Variants in COL5A3 observed in about 807,000 individuals in gnomAD.
COL5A3 encodes collagen alpha-3(V) chain.
COL5A3 carries 172 observed loss-of-function variants against 250.0 expected under a neutral mutation model. The ratio of observed to expected loss-of-function variants is 0.69; its 90% CI spans 0.61 to 0.78. COL5A3 has a LOEUF of 0.78. COL5A3 is among the 30% of genes least tolerant of loss of function. The pLI is 0.00. For synonymous variants in COL5A3, 937 were observed against 900.4 expected, an observed-to-expected ratio of 1.04 and a Z score of -0.73; for missense variants, 2,340 against 2,334.4, an observed-to-expected ratio of 1.00 and a Z score of -0.05.
At chr19:9,964,179 A>G (rs1186667592) in intron 64 of COL5A3, among the ~76,000 whole-genome samples, 1 of 151,356 alleles carries the variant, frequency 6.6e-6, no homozygotes, top group East Asian at 1.9e-4. Context: ...TCTCAAAAGA[A>G]CAAAACAATA....
intron 64 of COL5A3, 34 bp from the exon 65 acceptor site, chr19:9,962,921 C>T (rs371142637): frequency 4.6e-5 from 71 of 1,530,634 alleles, no homozygotes; most frequent in African/African-American, 8.2e-5. Context: ...CTGTAGCTGA[C>T]GCCCTTGGTG....
Position 10,005,594 on chromosome 19 carries a change from C to T in COL5A3, c.558G>A (p.Val186=). The change falls in exon 4 of 67, where the codon GTG becomes GTA. Residue 186 remains valine, a synonymous_variant. Transcript: ENST00000264828. ...TTTCCCCAAGGTCCTGGGTCCCCAG[C>T]ACAGTGAGTCCAGCTATGCTGATGA... ...PRFISIAGLT[V]LGTQDLGEKT... The T allele has an allele frequency of 6.2e-7, 1 of 1,614,212 alleles. No homozygotes were observed. The highest frequency in any genetic ancestry group is 8.5e-7 in the Non-Finnish European group (1 of 1,180,032).
rs779807627 is a variant in COL5A3, at chr19:9,982,065, C to T, written c.2460G>A (p.Ser820=). The part of the protein sequence containing the change: ...PLGPIGEKGK[S]GKTGQPGLEG... ...TCCCTTACCCCCGGTCATGACTCAC[C>T]GACTTCCCTTTCTCTCCTATGGGTC... Residue 820 remains serine, a splice_region_variant and synonymous_variant, in exon 32 of 67, where the codon TCG becomes TCA. Coordinates refer to ENST00000264828, the MANE Select transcript of COL5A3 (RefSeq NM_015719.4). 1.4e-5 allele frequency: 22 copies of T among 1,610,098 alleles called. No homozygotes were observed. Among genetic ancestry groups the T allele is most frequent in the Non-Finnish European group, 1.9e-5 (22 of 1,177,440 alleles).
At position 9,971,011 on chromosome 19, in the gene COL5A3, T is replaced by TG. The variant is rs1486499390; in HGVS notation, c.3845dup (p.Gly1283ArgfsTer8). 1 of 1,551,802 alleles carries TG rather than the reference T, an allele frequency of 6.4e-7. No individual in the cohort carries two copies. The stretch of plus-strand genomic sequence containing the variant: ...CATCACCAGGGTCTCCCTTCTCCCC[T>TG]GGGGAACCATCTATGCCCTGCATGG... On this transcript the variant is annotated frameshift_variant, in exon 53 of 67. Transcript: ENST00000264828. LOFTEE classifies it high-confidence loss of function.
intron 8 of COL5A3, among the ~76,000 whole-genome samples, chr19:10,001,301 G>A (rs943397064): frequency 6.6e-6 from 1 of 151,586 alleles, no homozygotes. Flanking sequence ...GCGCGCCACC[G>A]CTCCCAGCTA....
chr19:9,972,889 T>A (rs1406085106), intron 51 of COL5A3, 30 bp downstream of exon 51: 1 of 1,413,690 alleles, frequency 7.1e-7, no homozygotes, highest in African/African-American at 1.5e-5. Context: ...CCCCCTCCCA[T>A]GTCTGCCCCC....
intron 8 of COL5A3, among the ~76,000 whole-genome samples, chr19:9,998,787 C>T (rs559710622): frequency 9.2e-5 from 14 of 151,784 alleles, no homozygotes; most frequent in African/African-American, 2.9e-4. Flanking sequence ...TGGGTTCTAG[C>T]GATTCTCCTG....
chr19:9,972,878 G>A (rs903149481), intron 51 of COL5A3, 41 bp downstream of exon 51: 9 of 1,417,420 alleles, frequency 6.3e-6, no homozygotes, highest in African/African-American at 2.9e-5. Flanking sequence ...ACATTCAAGT[G>A]CCCCCTCCCA....
intron 65 of COL5A3, 44 bp from the exon 66 acceptor site, chr19:9,960,934 C>G (rs1171820191): frequency 6.3e-7 from 1 of 1,591,796 alleles, no homozygotes; most frequent in Non-Finnish European, 8.5e-7. Flanking sequence ...GCTCCATGAG[C>G]CTCTTTCTGC....
intron 1 of COL5A3, among the ~76,000 whole-genome samples, chr19:10,008,638 G>A (rs1053823692): frequency 3.3e-5 from 5 of 152,186 alleles, no homozygotes; most frequent in Non-Finnish European, 7.3e-5. Flanking sequence ...TTGTACAAGC[G>A]TGGGTGAGTC....
chr19:10,005,586 G>C lies in COL5A3; in HGVS notation c.566C>G (p.Thr189Ser). 1.2e-6 allele frequency: 2 copies of C among 1,614,142 alleles called. No homozygotes were observed. The highest frequency in any genetic ancestry group is 1.7e-6 in the Non-Finnish European group (2 of 1,180,030). The change falls in exon 4 of 67, where the codon ACC (threonine) becomes AGC (serine). Residue 189 changes from threonine (T) to serine (S), a missense_variant. By Grantham distance (58) the Thr-to-Ser change is moderately conservative. Coordinates refer to ENST00000264828, the MANE Select transcript of COL5A3 (RefSeq NM_015719.4). ...GAAAGTCTTTTCCCCAAGGTCCTGG[G>C]TCCCCAGCACAGTGAGTCCAGCTAT... ...ISIAGLTVLGTQDLGEKTFEG... is the reference protein window; with the variant it reads ...ISIAGLTVLGSQDLGEKTFEG...
At chr19:9,969,457 AC>A (rs370902848) in intron 56 of COL5A3, 55 bp from the exon 57 acceptor site, 17,617 of 1,504,458 alleles carry the variant, frequency 0.012, 96 homozygotes, top group Non-Finnish European at 0.014. Context: ...CACAGTGTGG[AC>A]CCCCCCCCGA....
At chr19:9,980,082 C>A in intron 35 of COL5A3, 35 bp from the exon 36 acceptor site, 1 of 1,562,970 alleles carries the variant, frequency 6.4e-7, no homozygotes, top group Non-Finnish European at 8.7e-7. Context: ...TCTCATCCCC[C>A]CTGCCTCCCT....
At position 9,996,629 on chromosome 19, in the gene COL5A3, C is replaced by A; in HGVS notation, c.1324G>T (p.Val442Leu). The A allele has an allele frequency of 6.2e-7, 1 of 1,613,792 alleles. No homozygotes were observed. Among genetic ancestry groups the A allele is most frequent in the South Asian group, 1.1e-5 (1 of 91,038 alleles). Residue 442 changes from valine to leucine, a missense_variant, in exon 12 of 67, where the codon GTG becomes TTG. By Grantham distance (32) the Val-to-Leu change is conservative (BLOSUM62 1). Transcript: ENST00000264828. ...CTCCTTCTTACCGGCATCATGATCA[C>A]AGTGCCCGGTGGGCCTCGGATCCCA... The part of the protein sequence containing the change: ...IDGIRGPPGT[V>L]IMMPFQFAGG...
In COL5A3 at chr19:9,968,429, C is replaced by A; in HGVS notation, c.4270G>T (p.Gly1424Trp). Residue 1424 changes from glycine (G) to tryptophan (W), a missense_variant, in exon 59 of 67, where the codon GGG becomes TGG. Transcript: ENST00000264828. The surrounding 1 kb of genome is among the most constrained non-coding windows in gnomAD (Gnocchi z 4.1). ...GGGGGTCCCTGCACGCCTGGCAACCCCTGATCTCCTTTCTCACCAGCTTCT... is the reference window on the plus strand; with the variant it reads ...GGGGGTCCCTGCACGCCTGGCAACCACTGATCTCCTTTCTCACCAGCTTCT... Reference protein sequence around the residue: ...PGEAGEKGDQGLPGVQGPPGP... With the variant: ...PGEAGEKGDQWLPGVQGPPGP... 6.3e-7 allele frequency: 1 copy of A among 1,591,352 alleles called. No individual in the cohort carries two copies.
chr19:9,998,053 C>G (rs758551824), intron 9 of COL5A3, 28 bp from the exon 10 acceptor site: 2 of 1,613,924 alleles, frequency 1.2e-6, no homozygotes, highest in Admixed American at 3.3e-5. Context: ...TGTCGGTGAC[C>G]GCTGTCATCA....
chr19:9,992,173 AG>A, intron 21 of COL5A3, 125 bp from the exon 22 acceptor site: 1 of 805,232 alleles, frequency 1.2e-6, no homozygotes, highest in Non-Finnish European at 2.0e-6. Flanking sequence ...TTGTAATCCC[AG>A]CATTTTGGGA....
chr19:9,985,691 C>T, intron 31 of COL5A3, 151 bp downstream of exon 31: 1 of 712,886 alleles, frequency 1.4e-6, no homozygotes, highest in Non-Finnish European at 2.4e-6. Context: ...TAGCCAAGAG[C>T]CACTATGCCT....
In COL5A3 at chr19:9,993,038, G is replaced by T. The variant is rs979942973; in HGVS notation, c.1779C>A (p.Gly593=). 2 of 1,613,772 alleles carry T rather than the reference G, an allele frequency of 1.2e-6. No individual in the cohort carries two copies. Among genetic ancestry groups the T allele is most frequent in the Admixed American group, 1.7e-5 (1 of 59,968 alleles). Residue 593 remains glycine, a synonymous_variant, in exon 20 of 67, where the codon GGC becomes GGA. Transcript: ENST00000264828. Reference sequence around the variant, plus strand: ...TGATACTCACCGGCTCCCCAGCCTGGCCAGTGGGCCCTGGAGGTCCCTCTG... The same window carrying T: ...TGATACTCACCGGCTCCCCAGCCTGTCCAGTGGGCCCTGGAGGTCCCTCTG... ...RGAEGPPGPT[G]QAGEPGPRGL...
Sources: allele counts gnomAD v4.1 joint callset (sites outside exome capture counted in the v4.1 genomes callset), GRCh38; gene constraint gnomAD v4.1.1; non-coding constraint Gnocchi (gnomAD v3.1); transcripts MANE v1.5; gene names NCBI Gene and HGNC (gene_info 2026-07-23, HGNC 2026-07-21).